The following VAV2 variants were observed in gnomAD, a reference collection of about 807,000 sequenced individuals.
VAV2 encodes the protein vav guanine nucleotide exchange factor 2, also known as guanine nucleotide exchange factor VAV2.
A neutral mutation model predicts 132.5 loss-of-function variants in VAV2; 67 were observed. The ratio of observed to expected loss-of-function variants is 0.51; its 90% CI spans 0.42 to 0.62. The LOEUF (loss-of-function observed/expected upper bound fraction) is 0.62. Ranked by LOEUF, VAV2 falls within the 20% of genes least tolerant of loss-of-function variation. VAV2 has a pLI of 0.00. For missense variants in VAV2, 938 were observed against 1,153.6 expected (o/e 0.81, Z 2.71); for synonymous variants, 492 against 443.5 (o/e 1.11, Z -1.37).
At chr9:133,811,993 C>T in intron 5 of VAV2, 121 bp downstream of exon 5, 2 of 1,003,664 alleles carry the variant, frequency 2.0e-6, no homozygotes, top group Non-Finnish European at 3.0e-6. Context: ...CCCCCTGCAC[C>T]CAGAGCAGCT....
intron 2 of VAV2, among the ~76,000 whole-genome samples, chr9:133,930,883 G>A (rs1840663091): frequency 6.6e-6 from 1 of 152,202 alleles, no homozygotes; most frequent in Non-Finnish European, 1.5e-5. Context: ...AGACAGTGCT[G>A]AGAGCCAGTT....
At chr9:133,968,824 C>G (rs1011540660) in intron 1 of VAV2, among the ~76,000 whole-genome samples, 1 of 152,186 alleles carries the variant, frequency 6.6e-6, no homozygotes, top group Non-Finnish European at 1.5e-5. Flanking sequence ...TGTCTCGAGA[C>G]CCCCGGCTGG....
intron 9 of VAV2, among the ~76,000 whole-genome samples, chr9:133,803,490 CG>C (rs1835018453): frequency 1.3e-5 from 2 of 152,160 alleles, no homozygotes; most frequent in Admixed American, 1.3e-4. Flanking sequence ...AAAAACCACA[CG>C]GCTTTGTCTT....
At chr9:133,962,095 CAG>C (rs1841984364) in intron 1 of VAV2, among the ~76,000 whole-genome samples, 1 of 152,162 alleles carries the variant, frequency 6.6e-6, no homozygotes. Flanking sequence ...AGGGAATGAG[CAG>C]ACAGAACCCC....
At chr9:133,778,941 T>A (rs1255092549) in intron 21 of VAV2, 52 bp from the exon 22 acceptor site, 16 of 1,595,522 alleles carry the variant, frequency 1.0e-5, no homozygotes, top group Non-Finnish European at 1.3e-5. Flanking sequence ...ACTCGGTGAC[T>A]GACTTGGCCC....
intron 1 of VAV2, among the ~76,000 whole-genome samples, chr9:133,949,432 G>A (rs891386034): frequency 2.6e-5 from 4 of 152,232 alleles, no homozygotes; most frequent in Non-Finnish European, 5.9e-5. Flanking sequence ...ACCCGCTAGG[G>A]CTCTGAGCCT....
intron 1 of VAV2, among the ~76,000 whole-genome samples, chr9:133,965,334 A>G (rs1651242772): frequency 6.6e-6 from 1 of 151,690 alleles, no homozygotes; most frequent in South Asian, 2.1e-4. Flanking sequence ...AAAAAAAAAA[A>G]TAATAATAAC....
intron 9 of VAV2, among the ~76,000 whole-genome samples, chr9:133,801,979 T>C (rs540053374): frequency 6.6e-6 from 1 of 152,074 alleles, no homozygotes; most frequent in African/African-American, 2.4e-5. Flanking sequence ...CAAGCCACCA[T>C]GTTTGCGGTC....
chr9:133,929,613 C>T (rs1564473554), intron 2 of VAV2, among the ~76,000 whole-genome samples: 1 of 152,142 alleles, frequency 6.6e-6, no homozygotes, highest in Non-Finnish European at 1.5e-5. Flanking sequence ...GGAGGAAGGG[C>T]CCCTCTGCCT....
chr9:133,869,749 TTAG>T (rs1489589223), intron 2 of VAV2, among the ~76,000 whole-genome samples: 1 of 152,198 alleles, frequency 6.6e-6, no homozygotes, highest in Admixed American at 6.5e-5. Flanking sequence ...CCGACTGTCA[TTAG>T]CAATCAGTAA....
At chr9:133,837,347 G>A (rs1476869066) in intron 3 of VAV2, among the ~76,000 whole-genome samples, 2 of 152,194 alleles carry the variant, frequency 1.3e-5, no homozygotes, top group African/African-American at 2.4e-5. Context: ...TTGGAATCTT[G>A]TTTCCTAACA....
Position 133,873,409 on chromosome 9 carries a change from A to C in VAV2, c.322-11977T>G, listed in dbSNP as rs1333398280. On this transcript the variant is annotated intron_variant, in intron 2 of 29. Coordinates refer to ENST00000371850, the MANE Select transcript of VAV2 (RefSeq NM_001134398.2). ...GGCGTCCTGCCACACTCCCAGTCCC[A>C]CTGTGCTCACGGTGGAGTCACTAGC... 2.0e-5 allele frequency among the ~76,000 whole-genome samples: 3 copies of C among 152,076 alleles called. No individual in the cohort carries two copies. In the East Asian group the frequency reaches 5.8e-4, roughly 29 times the overall value.
chr9:133,783,620 C>A, intron 18 of VAV2, 29 bp from the exon 19 acceptor site: 1 of 1,611,624 alleles, frequency 6.2e-7, no homozygotes, highest in South Asian at 1.1e-5. Context: ...GAGGTGAGGT[C>A]GAGGCTGGGG....
At chr9:133,825,303 G>A (rs141339217) in intron 4 of VAV2, among the ~76,000 whole-genome samples, 14,408 of 152,108 alleles carry the variant, frequency 0.095, 910 homozygotes, top group South Asian at 0.16. Flanking sequence ...CACGAGCCTC[G>A]GGCCACCAGG....
rs943067495 is a variant in VAV2 at position 133,794,691 on chromosome 9, G to A, written c.1101+977C>T. Among the ~76,000 whole-genome samples the A allele has an allele frequency of 5.3e-5, 8 of 152,184 alleles. No individual in the cohort carries two copies. The highest frequency in any genetic ancestry group is 2.0e-4 in the Admixed American group (3 of 15,288). On this transcript the variant is annotated intron_variant, in intron 12 of 29. Coordinates refer to ENST00000371850, the MANE Select transcript of VAV2 (RefSeq NM_001134398.2). This position sits in a 1 kb window ranked among gnomAD's most constrained non-coding sequence, Gnocchi z 4.6. ...GCTGGCAGAGGTGTCCTGTGCTCCC[G>A]ACGAGGGAGATGTGGGGGGGGTCGT...
intron 2 of VAV2, among the ~76,000 whole-genome samples, chr9:133,862,481 C>A (rs1406784351): frequency 6.6e-5 from 10 of 152,244 alleles, no homozygotes; most frequent in Non-Finnish European, 1.3e-4. Context: ...ATCTGTGAGT[C>A]CATGTGTGTG....
At chr9:133,837,204 A>AG (rs1246195207) in intron 3 of VAV2, among the ~76,000 whole-genome samples, 2 of 152,204 alleles carry the variant, frequency 1.3e-5, no homozygotes, top group East Asian at 1.9e-4. Flanking sequence ...CTCTGTACTT[A>AG]GGGGGGCCCA....
chr9:133,910,219 C>T (rs1264434677), intron 2 of VAV2, among the ~76,000 whole-genome samples: 2 of 152,168 alleles, frequency 1.3e-5, no homozygotes, highest in South Asian at 2.1e-4. Context: ...AAGCTGGGTG[C>T]ACCTGGGTCC....
In VAV2 at chr9:133,827,467, G is replaced by A. The variant is rs374073258; in HGVS notation, c.449+6805C>T. Among the ~76,000 whole-genome samples, 24 of 23,214 alleles carry A rather than the reference G, an allele frequency of 1.0e-3. 9 individuals carry two copies. Among genetic ancestry groups the A allele is most frequent in the South Asian group, 4.0e-3 (2 of 498 alleles). 15.2% of individuals were successfully genotyped at this position (23,214 alleles called of 152,430 possible). The stretch of plus-strand genomic sequence containing the variant: ...TGGGGGCATCACCACCTACCGCTGC[G>A]CCCACTGAGGCTGACCACTGAGTGG... On this transcript the variant is annotated intron_variant, in intron 4 of 29. Coordinates refer to ENST00000371850, the MANE Select transcript of VAV2 (RefSeq NM_001134398.2).
Sources: gnomAD v4.1 joint callset for allele counts (sites outside exome capture counted in the v4.1 genomes callset) on GRCh38, gnomAD v4.1.1 for gene constraint, Gnocchi (gnomAD v3.1) non-coding constraint, MANE v1.5 for transcripts, NCBI Gene and HGNC (gene_info 2026-07-23, HGNC 2026-07-21) for gene names.